CCDC38: variants seen among roughly 807,000 people sequenced by gnomAD.
CCDC38 encodes coiled-coil domain-containing protein 38.
Under a neutral mutation model 72.8 loss-of-function variants are expected in CCDC38, and 69 were observed. The ratio of observed to expected loss-of-function variants is 0.95; its 90% CI spans 0.78 to 1.16. The LOEUF (loss-of-function observed/expected upper bound fraction) is 1.16. Among genes scored for constraint, CCDC38 ranks in the 50% most tolerant of loss-of-function variants. The probability of loss-of-function intolerance (pLI) is 0.00; values close to 1 mark genes in which losing one functional copy is unlikely to be tolerated. For synonymous variants in CCDC38, 201 were observed against 213.2 expected (o/e 0.94, Z 0.50); for missense variants, 626 against 638.9 (o/e 0.98, Z 0.22).
chr12:95,929,503 C>T (rs1387872082), intron 2 of CCDC38, among the ~76,000 whole-genome samples: 3 of 152,172 alleles, frequency 2.0e-5, no homozygotes, highest in Non-Finnish European at 2.9e-5. Context: ...CTGTCTTCTG[C>T]GTTGCTCACG....
Position 95,929,107 on chromosome 12 carries a change from C to T in CCDC38, c.37+7366G>A, listed in dbSNP as rs184649987. Among the ~76,000 whole-genome samples the T allele has an allele frequency of 5.6e-3, 854 of 152,318 alleles. 16 individuals carry two copies. The highest frequency in any genetic ancestry group is 4.2e-3 in the Non-Finnish European group (285 of 68,020). On this transcript the variant is annotated intron_variant, in intron 2 of 15. Transcript: ENST00000344280. ...CGGCTGCTTTGTTTACCTAAGCAAGCCTGGGCAATGGCGGGCACCCCTACC... is the reference window on the plus strand; with the variant it reads ...CGGCTGCTTTGTTTACCTAAGCAAGTCTGGGCAATGGCGGGCACCCCTACC...
intron 2 of CCDC38, chr12:95,934,643 G>T (rs1483810155): frequency 1.3e-5 from 2 of 149,818 alleles, no homozygotes; most frequent in Non-Finnish European, 3.0e-5. Flanking sequence ...TGTTTTTTTT[G>T]GTTAGCAATA....
intron 15 of CCDC38, among the ~76,000 whole-genome samples, chr12:95,867,713 A>T (rs939067176): frequency 2.0e-5 from 3 of 152,048 alleles, no homozygotes; most frequent in African/African-American, 7.2e-5. Flanking sequence ...GTTCATACCT[A>T]TTCATTCTCT....
At chr12:95,923,985 T>G (rs2080239068) in intron 2 of CCDC38, among the ~76,000 whole-genome samples, 1 of 132,494 alleles carries the variant, frequency 7.5e-6, no homozygotes, top group Non-Finnish European at 1.6e-5. Flanking sequence ...CTATTGTGAA[T>G]AGTGCTGCAA....
intron 5 of CCDC38, among the ~76,000 whole-genome samples, chr12:95,900,863 A>G (rs938622468): frequency 6.6e-6 from 1 of 152,292 alleles, no homozygotes; most frequent in South Asian, 2.1e-4. Context: ...TGAGATTTTG[A>G]TCTTTCAGGA....
chr12:95,938,270 G>A (rs2136748191), intron 1 of CCDC38, among the ~76,000 whole-genome samples: 1 of 152,240 alleles, frequency 6.6e-6, no homozygotes, highest in East Asian at 1.9e-4. Context: ...ACAACCTGTG[G>A]TTGATGAGTA....
At chr12:95,919,003 T>A (rs756505451) in intron 2 of CCDC38, 27 bp from the exon 3 acceptor site, 1 of 1,393,818 alleles carries the variant, frequency 7.2e-7, no homozygotes, top group South Asian at 1.2e-5. Context: ...AATGAATGAA[T>A]GAATTCTGTC....
intron 4 of CCDC38, among the ~76,000 whole-genome samples, chr12:95,907,684 C>A (rs1215599483): frequency 7.1e-5 from 10 of 141,368 alleles, no homozygotes; most frequent in African/African-American, 1.3e-4. Flanking sequence ...ACTTCTCAGA[C>A]GGGGCGGCTG....
At chr12:95,913,149 C>G (rs1225920876) in intron 4 of CCDC38, among the ~76,000 whole-genome samples, 5 of 152,076 alleles carry the variant, frequency 3.3e-5, no homozygotes, top group African/African-American at 4.8e-5. Context: ...CCTGTGCTGC[C>G]TAGGAGGCCC....
At chr12:95,888,791 TTTTCCCTCC>T (rs1565947674) in intron 9 of CCDC38, among the ~76,000 whole-genome samples, 1 of 152,066 alleles carries the variant, frequency 6.6e-6, no homozygotes, top group African/African-American at 2.4e-5. Context: ...CACTTTTGGC[TTTTCCCTCC>T]AGAGCCCTCA....
intron 4 of CCDC38, among the ~76,000 whole-genome samples, chr12:95,910,805 A>C (rs2080085277): frequency 6.6e-6 from 1 of 152,240 alleles, no homozygotes; most frequent in African/African-American, 2.4e-5. Flanking sequence ...TCAAGGTTAC[A>C]GTGAGCTATG....
intron 5 of CCDC38, among the ~76,000 whole-genome samples, chr12:95,905,308 G>A (rs191795636): frequency 6.6e-6 from 1 of 152,190 alleles, no homozygotes; most frequent in East Asian, 1.9e-4. Context: ...AACTGGTTGA[G>A]GGAGGGAGGG....
Position 95,890,795 on chromosome 12 carries a change from C to T in CCDC38, c.871+37G>A, listed in dbSNP as rs377584116. The T allele has an allele frequency of 2.6e-4, 338 of 1,282,922 alleles. 2 individuals are homozygous for T. Among genetic ancestry groups the T allele is most frequent in the Non-Finnish European group, 1.1e-4 (95 of 889,678 alleles). 79.5% of individuals were successfully genotyped at this position (1,282,922 alleles called of 1,614,324 possible). A position where few individuals can be genotyped will look rare whatever the true frequency, so the allele number is the denominator to read the frequency against. On this transcript the variant is annotated intron_variant, in intron 9 of 15. Coordinates refer to ENST00000344280, the MANE Select transcript of CCDC38 (RefSeq NM_182496.3). ...CTCCACTTTGAGATGGACACATTCG[C>T]AGGTTTTACTTTCATGAGTCCCAAA...
chr12:95,933,540 G>A (rs991910699), intron 2 of CCDC38: 1 of 152,188 alleles, frequency 6.6e-6, no homozygotes, highest in Admixed American at 6.5e-5. Context: ...CAAGTGTTTG[G>A]AGAGGATATA....
chr12:95,886,258 A>G lies in CCDC38; in HGVS notation c.920+2200T>C, dbSNP rs535326869. ...AATGGTGCAGGAGCAATTGACATAC[A>G]CAGGCAAAAAAGCACCATCACCACA... is the stretch of plus-strand genomic sequence containing the variant. On this transcript the variant is annotated intron_variant, in intron 10 of 15. Coordinates refer to ENST00000344280, the MANE Select transcript of CCDC38 (RefSeq NM_182496.3). Among the ~76,000 whole-genome samples the G allele has an allele frequency of 2.0e-5, 3 of 152,340 alleles. No homozygotes were observed. In the South Asian group the frequency reaches 6.2e-4, roughly 32 times the overall value.
intron 5 of CCDC38, among the ~76,000 whole-genome samples, chr12:95,900,554 A>T (rs2079939585): frequency 6.6e-6 from 1 of 152,216 alleles, no homozygotes; most frequent in Admixed American, 6.5e-5. Flanking sequence ...GGGTGCACAA[A>T]TTACCAACCA....
chr12:95,897,610 CAAAAAAAA>C (rs370408931), intron 7 of CCDC38, among the ~76,000 whole-genome samples: 2 of 75,356 alleles, frequency 2.7e-5, no homozygotes, highest in African/African-American at 9.0e-5. Flanking sequence ...AACTCCCTCT[CAAAAAAAA>C]AAAAAAAAAA....
intron 13 of CCDC38, among the ~76,000 whole-genome samples, chr12:95,875,186 G>A (rs76614775): frequency 5.1e-4 from 77 of 152,248 alleles, no homozygotes; most frequent in Non-Finnish European, 8.4e-4. Context: ...GGCATGAGAC[G>A]TCAGGACAGT....
chr12:95,908,748 T>C (rs996517439), intron 4 of CCDC38, among the ~76,000 whole-genome samples: 1 of 150,446 alleles, frequency 6.6e-6, no homozygotes, highest in African/African-American at 2.4e-5. Flanking sequence ...CAAGTAAGAC[T>C]GAAGTATTTT....
Sources: gnomAD v4.1 joint callset for allele counts (sites outside exome capture counted in the v4.1 genomes callset) on GRCh38, gnomAD v4.1.1 for gene constraint, MANE v1.5 for transcripts, NCBI Gene and HGNC (gene_info 2026-07-23, HGNC 2026-07-21) for gene names.